GJC1: variants seen among roughly 807,000 people sequenced by gnomAD.
The protein encoded by GJC1 is gap junction protein gamma 1.
GJC1 carries 5 observed loss-of-function variants against 29.3 expected under a neutral mutation model. The ratio of observed to expected loss-of-function variants is 0.17; its 90% CI spans 0.09 to 0.36. The LOEUF (loss-of-function observed/expected upper bound fraction) is 0.36, where lower values mean the gene tolerates loss of function less well. Among genes scored for constraint, GJC1 ranks in the 10% least tolerant of loss-of-function variants. GJC1 has a pLI of 1.00. For synonymous variants in GJC1, 177 were observed against 183.3 expected, an observed-to-expected ratio of 0.97 and a Z score of 0.28; for missense variants, 310 against 496.2, an observed-to-expected ratio of 0.62 and a Z score of 3.56.
At position 44,803,907 on chromosome 17, in the gene GJC1, T is replaced by A; in HGVS notation, c.*720A>T. 1 of 152,226 alleles carries A rather than the reference T, an allele frequency of 6.6e-6. No individual in the cohort carries two copies. The highest frequency in any genetic ancestry group is 1.9e-4 in the East Asian group (1 of 5,202). 9.4% of individuals were successfully genotyped at this position (152,226 alleles called of 1,614,324 possible). On this transcript the variant is annotated 3_prime_UTR_variant, in exon 3 of 3. Coordinates refer to ENST00000592524, the MANE Select transcript of GJC1 (RefSeq NM_005497.4). ...CCATCAAAGCATATACTGGTGATGCTTGATATTTAAAGGAATCCTACAGTG... is the reference window on the plus strand; with the variant it reads ...CCATCAAAGCATATACTGGTGATGCATGATATTTAAAGGAATCCTACAGTG...
intron 1 of GJC1, among the ~76,000 whole-genome samples, chr17:44,826,886 T>C (rs2050182232): frequency 6.6e-6 from 1 of 152,230 alleles, no homozygotes; most frequent in Non-Finnish European, 1.5e-5. Flanking sequence ...TAGCAGTATG[T>C]TGAAAAACAA....
chr17:44,816,130 AAAAAAAAAGTTGCTTT>A (rs1490325379), intron 1 of GJC1, among the ~76,000 whole-genome samples: 116 of 151,296 alleles, frequency 7.7e-4, no homozygotes, highest in African/African-American at 2.5e-3. Context: ...AAAAAAAAAA[AAAAAAAAAGTTGCTTT>A]TTTCTAGAAC....
Position 44,805,923 on chromosome 17 carries a change from C to T in GJC1, c.-20-86G>A. 1.5e-6 allele frequency: 1 copy of T among 666,070 alleles called. No individual in the cohort carries two copies. The highest frequency in any genetic ancestry group is 2.5e-6 in the Non-Finnish European group (1 of 393,602). The allele number at this position is 666,070 out of a possible 1,614,324, so 41.3% of individuals were successfully genotyped here. ...CTAATTATGATATCTCTAGGAACTA[C>T]TGCTTTGAATACTTGAAATCTAACC... On this transcript the variant is annotated intron_variant, in intron 2 of 2. Transcript: ENST00000592524. The surrounding 1 kb of genome is among the most constrained non-coding windows in gnomAD (Gnocchi z 5.1).
At chr17:44,814,967 C>A (rs975835797) in intron 1 of GJC1, among the ~76,000 whole-genome samples, 2 of 151,788 alleles carry the variant, frequency 1.3e-5, no homozygotes, top group Non-Finnish European at 2.9e-5. Context: ...AATTTCAGGA[C>A]ATAAGTCTTC....
chr17:44,809,424 T>A (rs1272041997), intron 1 of GJC1, among the ~76,000 whole-genome samples: 3 of 152,202 alleles, frequency 2.0e-5, no homozygotes, highest in African/African-American at 4.8e-5. Flanking sequence ...TAGAACTCCA[T>A]GATTCTCATC....
chr17:44,830,839 T>G (rs1290727698), upstream of GJC1: 1 of 396,798 alleles, frequency 2.5e-6, no homozygotes, highest in Non-Finnish European at 4.4e-6. The surrounding 1 kb of genome is among the most constrained non-coding windows in gnomAD (Gnocchi z 4.3). Flanking sequence ...GGTCCTGAAC[T>G]TCTCGGATTA....
At chr17:44,796,128 G>C (rs1424553833), downstream of GJC1, among the ~76,000 whole-genome samples, 2 of 152,216 alleles carry the variant, frequency 1.3e-5, no homozygotes, top group African/African-American at 4.8e-5. Context: ...CTGCCTACTA[G>C]GGTCTAGGGA....
chr17:44,810,233 G>C (rs1054543342), intron 1 of GJC1, among the ~76,000 whole-genome samples: 6 of 151,724 alleles, frequency 4.0e-5, no homozygotes. Context: ...CTGACCTCAG[G>C]TAATCCGCCT....
intron 1 of GJC1, among the ~76,000 whole-genome samples, chr17:44,814,384 C>T (rs1030519560): frequency 6.6e-6 from 1 of 152,064 alleles, no homozygotes; most frequent in African/African-American, 2.4e-5. Flanking sequence ...TCGTGATCCA[C>T]CCACCTCAGC....
rs1345129679 is a variant in GJC1 at position 44,802,465 on chromosome 17, T to G, written c.*2162A>C. On this transcript the variant is annotated 3_prime_UTR_variant, in exon 3 of 3. Transcript: ENST00000592524. ...AGGCTTATGTATTCCAAATTTTGCC[T>G]GTTTTCTTGGAATTATATGAATTTC... 1 of 152,242 alleles carries G rather than the reference T, an allele frequency of 6.6e-6. No homozygotes were observed. The highest frequency in any genetic ancestry group is 1.5e-5 in the Non-Finnish European group (1 of 68,042). The allele number at this position is 152,242 out of a possible 1,614,324, so 9.4% of individuals were successfully genotyped here. A position where few individuals can be genotyped will look rare whatever the true frequency, so the allele number is the denominator to read the frequency against.
intron 1 of GJC1, among the ~76,000 whole-genome samples, chr17:44,829,150 A>G (rs1177999764): frequency 6.6e-6 from 1 of 151,916 alleles, no homozygotes; most frequent in Non-Finnish European, 1.5e-5. Context: ...TGAAATCGGT[A>G]TCACTGCCAG....
At chr17:44,806,368 T>C (rs1280137101) in intron 2 of GJC1, among the ~76,000 whole-genome samples, 1 of 151,462 alleles carries the variant, frequency 6.6e-6, no homozygotes, top group Non-Finnish European at 1.5e-5. Context: ...TACTATTTAC[T>C]GAGATATTTC....
chr17:44,803,098 C>A lies in GJC1; in HGVS notation c.*1529G>T, dbSNP rs965580888. On this transcript the variant is annotated 3_prime_UTR_variant, in exon 3 of 3. Transcript: ENST00000592524. ...ACAAAGGGTGCAGTGTTCTACTATTCATCTAAATAATGGAGAACTGGCATT... is the reference window on the plus strand; with the variant it reads ...ACAAAGGGTGCAGTGTTCTACTATTAATCTAAATAATGGAGAACTGGCATT... The A allele has an allele frequency of 6.6e-6, 1 of 152,094 alleles. No homozygotes were observed. The highest frequency in any genetic ancestry group is 2.4e-5 in the African/African-American group (1 of 41,420). The allele number at this position is 152,094 out of a possible 1,614,324, so 9.4% of individuals were successfully genotyped here. A position where few individuals can be genotyped will look rare whatever the true frequency, so the allele number is the denominator to read the frequency against.
downstream of GJC1, chr17:44,794,460 C>CCAG (rs1206453485): frequency 6.6e-6 from 1 of 152,214 alleles, no homozygotes; most frequent in Non-Finnish European, 1.5e-5. Context: ...GTCCCTTCTC[C>CCAG]CAGCAGCAGC....
At chr17:44,817,942 G>A (rs909519314) in intron 1 of GJC1, among the ~76,000 whole-genome samples, 11 of 152,132 alleles carry the variant, frequency 7.2e-5, no homozygotes, top group African/African-American at 2.7e-4. Context: ...GCCAGGCGCG[G>A]TGGCTCATGC....
intron 1 of GJC1, among the ~76,000 whole-genome samples, chr17:44,817,192 G>C (rs556989321): frequency 7.2e-5 from 11 of 151,982 alleles, no homozygotes; most frequent in Admixed American, 2.6e-4. Context: ...GGCAACAAGA[G>C]CAAAAGTCTG....
chr17:44,826,750 T>C (rs1415865229), intron 1 of GJC1, among the ~76,000 whole-genome samples: 1 of 152,190 alleles, frequency 6.6e-6, no homozygotes, highest in Non-Finnish European at 1.5e-5. Context: ...TTGCAGTAAA[T>C]AGCAATGCTC....
chr17:44,803,229 C>T lies in GJC1; in HGVS notation c.*1398G>A, dbSNP rs974151417. ...GGGTGAGACGCCCAAATAAAATGCT[C>T]CCTGGTGGAACAAAGTCCCCTTTAA... On this transcript the variant is annotated 3_prime_UTR_variant, in exon 3 of 3. Transcript: ENST00000592524. 2 of 152,138 alleles carry T rather than the reference C, an allele frequency of 1.3e-5. No individual in the cohort carries two copies. Among genetic ancestry groups the T allele is most frequent in the African/African-American group, 4.8e-5 (2 of 41,414 alleles). The allele number at this position is 152,138 out of a possible 1,614,324, so 9.4% of individuals were successfully genotyped here. A position where few individuals can be genotyped will look rare whatever the true frequency, so the allele number is the denominator to read the frequency against.
At chr17:44,815,374 C>T (rs1388224879) in intron 1 of GJC1, among the ~76,000 whole-genome samples, 1 of 152,016 alleles carries the variant, frequency 6.6e-6, no homozygotes, top group Non-Finnish European at 1.5e-5. Context: ...ATCCTAAATG[C>T]CTTGAGTTTA....
Sources: gnomAD v4.1 joint callset for allele counts (sites outside exome capture counted in the v4.1 genomes callset) on GRCh38, gnomAD v4.1.1 for gene constraint, Gnocchi (gnomAD v3.1) non-coding constraint, MANE v1.5 for transcripts, NCBI Gene and HGNC (gene_info 2026-07-23, HGNC 2026-07-21) for gene names.